GRIK4: variants seen among roughly 807,000 people sequenced by gnomAD.
GRIK4 encodes glutamate ionotropic receptor kainate type subunit 4.
A neutral mutation model predicts 104.9 loss-of-function variants in GRIK4; 40 were observed. The observed-to-expected ratio is 0.38, with a 90% CI of 0.30 to 0.50. The LOEUF is 0.50. GRIK4 is among the 20% of genes least tolerant of loss of function. GRIK4 has a pLI of 0.93. For synonymous variants in GRIK4, 485 were observed against 524.9 expected (o/e 0.92, Z 1.04); for missense variants, 1,047 against 1,308.1 (o/e 0.80, Z 3.08).
At chr11:120,884,649 G>T (rs1470639449) in intron 11 of GRIK4, among the ~76,000 whole-genome samples, 2 of 152,218 alleles carry the variant, frequency 1.3e-5, no homozygotes, top group Admixed American at 6.5e-5. Context: ...CTGGTTTTGT[G>T]TGAAGCTGAG....
intron 3 of GRIK4, among the ~76,000 whole-genome samples, chr11:120,785,162 C>T (rs1274175994): frequency 6.6e-6 from 1 of 152,178 alleles, no homozygotes; most frequent in Non-Finnish European, 1.5e-5. Flanking sequence ...CAACTCCAGC[C>T]CACTGTTCCT....
chr11:120,658,348 C>A lies in GRIK4; in HGVS notation c.-50-1921C>A, dbSNP rs556818265. 3.4e-4 allele frequency among the ~76,000 whole-genome samples: 52 copies of A among 152,240 alleles called. 1 individual carries two copies. Among genetic ancestry groups the A allele is most frequent in the African/African-American group, 1.3e-3 (52 of 41,532 alleles). On this transcript the variant is annotated intron_variant, in intron 2 of 20. Coordinates refer to ENST00000527524, the MANE Select transcript of GRIK4 (RefSeq NM_014619.5). ...CCACCAGAGTGCTGCTATAGACATT[C>A]TAGTGCATGTCTTTGCTAATCATAT...
chr11:120,704,979 A>G (rs149348115), intron 3 of GRIK4, among the ~76,000 whole-genome samples: 2,432 of 152,166 alleles, frequency 0.016, 26 homozygotes, highest in Middle Eastern at 0.031. Flanking sequence ...TAGTCTTAGC[A>G]CTCTTGCCAA....
At chr11:120,731,309 C>T (rs1205743921) in intron 3 of GRIK4, among the ~76,000 whole-genome samples, 1 of 149,838 alleles carries the variant, frequency 6.7e-6, no homozygotes, top group Non-Finnish European at 1.5e-5. Context: ...AAATGCTTTT[C>T]AGCAACAATT....
rs1016172815 is a variant in GRIK4 at position 120,986,568 on chromosome 11, G to C, written c.*308G>C. 21 of 346,788 alleles carry C rather than the reference G, an allele frequency of 6.1e-5. No individual in the cohort carries two copies. The highest frequency in any genetic ancestry group is 1.0e-4 in the Non-Finnish European group (20 of 194,042). The allele number at this position is 346,788 out of a possible 1,614,324, so 21.5% of individuals were successfully genotyped here. ...GCCAAAATAACAAGAGTATAGGGTG[G>C]GGGGTCCCTACCCAGACCAGTCCAA... On this transcript the variant is annotated 3_prime_UTR_variant, in exon 21 of 21. Coordinates refer to ENST00000527524, the MANE Select transcript of GRIK4 (RefSeq NM_014619.5).
At chr11:120,877,339 T>C (rs1954849154) in intron 11 of GRIK4, among the ~76,000 whole-genome samples, 1 of 152,206 alleles carries the variant, frequency 6.6e-6, no homozygotes, top group South Asian at 2.1e-4. Context: ...CTGAAAAAGA[T>C]TCAGCCCCTG....
Position 120,940,416 on chromosome 11 carries a change from C to T in GRIK4, c.1546C>T (p.Pro516Ser), listed in dbSNP as rs1943695501. 6.2e-7 allele frequency: 1 copy of T among 1,612,686 alleles called. No homozygotes were observed. Among genetic ancestry groups the T allele is most frequent in the Non-Finnish European group, 8.5e-7 (1 of 1,178,844 alleles). ...EREKVIDFSK[P>S]FMTLGISILY... ...GGAGAAGGTGATTGATTTCTCTAAG[C>T]CATTCATGACTCTGGGAATTAGCAT... The change falls in exon 14 of 21, where the codon CCA (proline) becomes TCA (serine). Residue 516 changes from proline (P) to serine (S), a missense_variant. Physicochemically the swap from Pro to Ser is moderately conservative, Grantham distance 74. Around this residue, in one of 3 missense-constraint regions of GRIK4, gnomAD observed 440 missense variants for 652.3 expected, o/e 0.67. Coordinates refer to ENST00000527524, the MANE Select transcript of GRIK4 (RefSeq NM_014619.5). This position sits in a 1 kb window ranked among gnomAD's most constrained non-coding sequence, Gnocchi z 4.3.
At chr11:120,585,410 A>G (rs1196499766) in intron 1 of GRIK4, among the ~76,000 whole-genome samples, 2 of 148,100 alleles carry the variant, frequency 1.4e-5, no homozygotes, top group Non-Finnish European at 3.0e-5. Flanking sequence ...GGTGCAGTGG[A>G]CCTATCTCAG....
In GRIK4 at chr11:120,987,601, G is replaced by C. The variant is rs1944778562; in HGVS notation, c.*1341G>C. ...CAGGAACTCTTGAGTCGTAACCTCAGCTTGAGCAGTAGCCCTCCCACCTTG... is the reference window on the plus strand; with the variant it reads ...CAGGAACTCTTGAGTCGTAACCTCACCTTGAGCAGTAGCCCTCCCACCTTG... On this transcript the variant is annotated 3_prime_UTR_variant, in exon 21 of 21. Coordinates refer to ENST00000527524, the MANE Select transcript of GRIK4 (RefSeq NM_014619.5). The C allele has an allele frequency of 2.0e-5, 3 of 152,234 alleles. No homozygotes were observed. In the South Asian group the frequency reaches 6.2e-4, roughly 31 times the overall value. 9.4% of individuals were successfully genotyped at this position (152,234 alleles called of 1,614,324 possible). A position where few individuals can be genotyped will look rare whatever the true frequency, so the allele number is the denominator to read the frequency against.
intron 1 of GRIK4, among the ~76,000 whole-genome samples, chr11:120,543,705 G>A (rs1948059427): frequency 6.6e-6 from 1 of 152,218 alleles, no homozygotes; most frequent in Non-Finnish European, 1.5e-5. Context: ...ACATTCCCAT[G>A]TGCATTGCAG....
chr11:120,623,477 C>T (rs1206935440), intron 1 of GRIK4, among the ~76,000 whole-genome samples: 1 of 152,174 alleles, frequency 6.6e-6, no homozygotes, highest in African/African-American at 2.4e-5. Flanking sequence ...TGAACAAGCC[C>T]ATGCTCTCTG....
intron 3 of GRIK4, among the ~76,000 whole-genome samples, chr11:120,722,906 G>T (rs1049087749): frequency 6.6e-6 from 1 of 152,162 alleles, no homozygotes; most frequent in Non-Finnish European, 1.5e-5. Context: ...AGATTCACTT[G>T]GTAATTATGT....
At chr11:120,729,745 T>C (rs2135389332) in intron 3 of GRIK4, among the ~76,000 whole-genome samples, 1 of 152,330 alleles carries the variant, frequency 6.6e-6, no homozygotes, top group Non-Finnish European at 1.5e-5. Flanking sequence ...TCCTTTGCTG[T>C]GCAGAAGTTT....
intron 3 of GRIK4, among the ~76,000 whole-genome samples, chr11:120,787,924 A>G (rs528930006): frequency 1.2e-4 from 14 of 120,264 alleles, no homozygotes; most frequent in African/African-American, 4.4e-4. Context: ...GTGCAGTGGC[A>G]TGATCTCGGC....
At chr11:120,753,313 G>GTGTGTGTGTGTGTA (rs1951591692) in intron 3 of GRIK4, among the ~76,000 whole-genome samples, 2 of 110,294 alleles carry the variant, frequency 1.8e-5, no homozygotes, top group Non-Finnish European at 4.3e-5. Context: ...GTGTGTGTGT[G>GTGTGTGTGTGTGTA]TGTGTGTGTG....
rs141110638 is a variant in GRIK4, at chr11:120,961,068, C to T, written c.2034C>T (p.Phe678=). The T allele has an allele frequency of 1.2e-6, 2 of 1,613,836 alleles. No homozygotes were observed. Among genetic ancestry groups the T allele is most frequent in the East Asian group, 2.2e-5 (1 of 44,898 alleles). Residue 678 remains phenylalanine, a synonymous_variant, in exon 17 of 21, where the codon TTC becomes TTT. Transcript: ENST00000527524. The part of the protein sequence containing the change: ...GTIHGGSSMT[F]FQNSRYQTYQ... Reference sequence around the variant, plus strand: ...TTCACGGAGGCTCCAGCATGACCTTCTTCCAAGTAAACCCCATTTGGTTGC... The same window carrying T: ...TTCACGGAGGCTCCAGCATGACCTTTTTCCAAGTAAACCCCATTTGGTTGC...
At chr11:120,712,068 T>G (rs779989019) in intron 3 of GRIK4, among the ~76,000 whole-genome samples, 13 of 152,342 alleles carry the variant, frequency 8.5e-5, no homozygotes, top group Middle Eastern at 3.4e-3. Context: ...TTCACGCAGC[T>G]TACACCCAGC....
chr11:120,791,939 A>G (rs1191842254), intron 3 of GRIK4, among the ~76,000 whole-genome samples: 1 of 152,216 alleles, frequency 6.6e-6, no homozygotes, highest in Non-Finnish European at 1.5e-5. Context: ...AGAATCCCTC[A>G]AAAGCCAAGA....
chr11:120,764,831 A>C (rs1951805121), intron 3 of GRIK4, among the ~76,000 whole-genome samples: 1 of 152,148 alleles, frequency 6.6e-6, no homozygotes, highest in Admixed American at 6.5e-5. Context: ...ATCTGCTGTT[A>C]GTCTGATGGG....
Sources: allele counts gnomAD v4.1 joint callset (sites outside exome capture counted in the v4.1 genomes callset), GRCh38; gene constraint gnomAD v4.1.1; regional missense constraint gnomAD v4.1.1; non-coding constraint Gnocchi (gnomAD v3.1); transcripts MANE v1.5; gene names NCBI Gene and HGNC (gene_info 2026-07-23, HGNC 2026-07-21).